The following NR1I2 variants were observed in gnomAD, a reference collection of about 807,000 sequenced individuals.
NR1I2 encodes the protein orphan nuclear receptor PAR1.
A neutral mutation model predicts 43.3 loss-of-function variants in NR1I2; 42 were observed. The observed-to-expected ratio is 0.97, with a 90% CI of 0.76 to 1.26. The LOEUF is 1.26. NR1I2 is among the 50% of genes most tolerant of loss of function. The pLI, the probability that NR1I2 is intolerant of heterozygous loss-of-function variation, is 0.00. For missense variants in NR1I2, 559 were observed against 566.7 expected (o/e 0.99, Z 0.14); for synonymous variants, 229 against 215.0 (o/e 1.06, Z -0.57).
rs928464364 is a variant in NR1I2 at position 119,817,062 on chromosome 3, A to G, written c.1161-6A>G. ...ACCCACAATCTTTTCTCTGGCTGGC[A>G]TGCAGGTTCTTGTTCCTGAAGATCA... On this transcript the variant is annotated splice_region_variant and splice_polypyrimidine_tract_variant and intron_variant, in intron 8 of 8. Coordinates refer to ENST00000393716, the MANE Select transcript of NR1I2 (RefSeq NM_003889.4). 1 of 1,614,046 alleles carries G rather than the reference A, an allele frequency of 6.2e-7. No homozygotes were observed. Among genetic ancestry groups the G allele is most frequent in the Non-Finnish European group, 8.5e-7 (1 of 1,180,032 alleles).
intron 1 of NR1I2, among the ~76,000 whole-genome samples, chr3:119,805,218 CA>C (rs1337436258): frequency 2.6e-5 from 4 of 152,118 alleles, no homozygotes; most frequent in African/African-American, 9.7e-5. Context: ...GGCATTTTCT[CA>C]TGTCTAATTC....
chr3:119,811,000 C>CA (rs1461550962), intron 3 of NR1I2: 7 of 154,230 alleles, frequency 4.5e-5, no homozygotes, highest in African/African-American at 1.4e-4. Flanking sequence ...GTCTTGGAGA[C>CA]CCAGACACCT....
chr3:119,818,156 G>A lies in NR1I2; in HGVS notation c.*944G>A, dbSNP rs2055355849. On this transcript the variant is annotated 3_prime_UTR_variant, in exon 9 of 9. Coordinates refer to ENST00000393716, the MANE Select transcript of NR1I2 (RefSeq NM_003889.4). ...TGTGTGATTTGGTGTAGGTAGGTCT[G>A]TTTGCCACTTGATGGGGCCTGGGTT... 1 of 985,770 alleles carries A rather than the reference G, an allele frequency of 1.0e-6. No homozygotes were observed. Among genetic ancestry groups the A allele is most frequent in the African/African-American group, 1.7e-5 (1 of 57,348 alleles). The allele number at this position is 985,770 out of a possible 1,614,324, so 61.1% of individuals were successfully genotyped here.
intron 1 of NR1I2, among the ~76,000 whole-genome samples, chr3:119,807,001 C>G (rs569985145): frequency 2.0e-5 from 3 of 152,196 alleles, no homozygotes; most frequent in Admixed American, 1.3e-4. Flanking sequence ...TGCTCCTGTT[C>G]ACATGTTCTA....
At position 119,792,714 on chromosome 3, in the gene NR1I2, GAA is replaced by G. The variant is rs149113462; in HGVS notation, c.-23+10423_-23+10424del. On this transcript the variant is annotated intron_variant, in intron 1 of 8. Transcript: ENST00000393716. ...TAAAATCACTTCAGATCTCAAAAAAGAAAAAAAAAATTTAGCTGGACGTGGTG... is the reference window on the plus strand; with the variant it reads ...TAAAATCACTTCAGATCTCAAAAAAGAAAAAAAATTTAGCTGGACGTGGTG... Among the ~76,000 whole-genome samples, 3 of 149,758 alleles carry G rather than the reference GAA, an allele frequency of 2.0e-5. No homozygotes were observed. In the East Asian group the frequency reaches 5.9e-4, roughly 29 times the overall value.
In NR1I2 at chr3:119,818,248, C is replaced by T; in HGVS notation, c.*1036C>T. 1.0e-6 allele frequency: 1 copy of T among 985,598 alleles called. No homozygotes were observed. The highest frequency in any genetic ancestry group is 1.2e-6 in the Non-Finnish European group (1 of 829,946). 61.1% of individuals were successfully genotyped at this position (985,598 alleles called of 1,614,324 possible). A position where few individuals can be genotyped will look rare whatever the true frequency, so the allele number is the denominator to read the frequency against. ...CTACGCTGACAATCAGTTAAACACA[C>T]CGGAGAAGAACCATTTACATGCACC... is the stretch of plus-strand genomic sequence containing the variant. On this transcript the variant is annotated 3_prime_UTR_variant, in exon 9 of 9. Transcript: ENST00000393716.
chr3:119,805,557 G>T (rs1249599854), intron 1 of NR1I2, among the ~76,000 whole-genome samples: 1 of 151,966 alleles, frequency 6.6e-6, no homozygotes, highest in Non-Finnish European at 1.5e-5. Flanking sequence ...ACAAAAATTA[G>T]CTGGGCATGG....
intron 4 of NR1I2, among the ~76,000 whole-genome samples, chr3:119,812,435 ATG>A (rs1263009430): frequency 6.6e-6 from 1 of 152,148 alleles, no homozygotes; most frequent in Non-Finnish European, 1.5e-5. Context: ...CCAAGCAGGG[ATG>A]TGTGTGACCA....
At chr3:119,815,658 C>T in intron 7 of NR1I2, 68 bp from the exon 8 acceptor site, 1 of 1,400,114 alleles carries the variant, frequency 7.1e-7, no homozygotes, top group Non-Finnish European at 1.0e-6. Flanking sequence ...CGAGCAATGC[C>T]CTGACTCTGG....
chr3:119,782,700 G>A, intron 1 of NR1I2: 1 of 1,286,142 alleles, frequency 7.8e-7, no homozygotes. Flanking sequence ...ACTCAGTCCT[G>A]ATTCCTTTTG....
chr3:119,817,902 G>C lies in NR1I2; in HGVS notation c.*690G>C. On this transcript the variant is annotated 3_prime_UTR_variant, in exon 9 of 9. Transcript: ENST00000393716. Reference sequence around the variant, plus strand: ...TAGGTAGCCTGCTGTGGGGTATACAGCATTGACTCAGATATAGATCCTGAG... The same window carrying C: ...TAGGTAGCCTGCTGTGGGGTATACACCATTGACTCAGATATAGATCCTGAG... The C allele has an allele frequency of 2.0e-6, 2 of 984,214 alleles. No homozygotes were observed. The highest frequency in any genetic ancestry group is 2.4e-6 in the Non-Finnish European group (2 of 828,572). 61.0% of individuals were successfully genotyped at this position (984,214 alleles called of 1,614,324 possible).
At chr3:119,811,491 G>A in intron 3 of NR1I2, 48 bp from the exon 4 acceptor site, 1 of 1,559,744 alleles carries the variant, frequency 6.4e-7, no homozygotes, top group Non-Finnish European at 8.7e-7. Context: ...GGGGGCTGGA[G>A]GCTCACCAGG....
At chr3:119,805,234 A>G (rs2055140020) in intron 1 of NR1I2, among the ~76,000 whole-genome samples, 1 of 152,048 alleles carries the variant, frequency 6.6e-6, no homozygotes, top group Non-Finnish European at 1.5e-5. Context: ...TAATTCTAGA[A>G]GTTTTTTTGG....
At chr3:119,807,607 G>A (rs2055180269) in intron 2 of NR1I2, among the ~76,000 whole-genome samples, 160 bp downstream of exon 2, 2 of 152,278 alleles carry the variant, frequency 1.3e-5, no homozygotes, top group South Asian at 4.1e-4. Context: ...TATCCCAGAG[G>A]AATCCTTCAT....
intron 1 of NR1I2, among the ~76,000 whole-genome samples, chr3:119,795,284 T>C (rs895209445): frequency 1.5e-4 from 23 of 152,200 alleles, no homozygotes; most frequent in South Asian, 2.1e-4. Flanking sequence ...ACAGATAAGC[T>C]TTGTGTGCCT....
chr3:119,815,596 G>T, intron 7 of NR1I2, 130 bp from the exon 8 acceptor site: 1 of 1,026,224 alleles, frequency 9.7e-7, no homozygotes, highest in South Asian at 1.3e-5. Flanking sequence ...GCCCAGCCCT[G>T]GTCTTCCTTC....
intron 8 of NR1I2, among the ~76,000 whole-genome samples, chr3:119,816,487 A>G (rs1279508176): frequency 1.3e-5 from 2 of 152,122 alleles, no homozygotes; most frequent in Non-Finnish European, 2.9e-5. Flanking sequence ...TGGTAGCTGC[A>G]ATATCTACAT....
rs1228413439 is a variant in NR1I2, at chr3:119,792,050, A to T, written c.-23+9750A>T. On this transcript the variant is annotated intron_variant, in intron 1 of 8. Coordinates refer to ENST00000393716, the MANE Select transcript of NR1I2 (RefSeq NM_003889.4). ...ACCGTTCTCAACCACATAATGTGCC[A>T]GTCATCACTGGTAGCAAAGATTTAC... 4 of 731,474 alleles carry T rather than the reference A, an allele frequency of 5.5e-6. No homozygotes were observed. In the African/African-American group the frequency reaches 6.9e-5, roughly 13 times the overall value. 45.3% of individuals were successfully genotyped at this position (731,474 alleles called of 1,614,324 possible). A position where few individuals can be genotyped will look rare whatever the true frequency, so the allele number is the denominator to read the frequency against.
chr3:119,782,985 G>C, intron 1 of NR1I2: 1 of 767,516 alleles, frequency 1.3e-6, no homozygotes, highest in Non-Finnish European at 2.3e-6. Context: ...TATGGCCAGA[G>C]GCACTGCTTT....
Sources: allele counts gnomAD v4.1 joint callset (sites outside exome capture counted in the v4.1 genomes callset), GRCh38; gene constraint gnomAD v4.1.1; transcripts MANE v1.5; gene names NCBI Gene and HGNC (gene_info 2026-07-23, HGNC 2026-07-21).